NCAPG2: variants seen among roughly 807,000 people sequenced by gnomAD.
NCAPG2 encodes condensin-2 complex subunit G2.
In NCAPG2, 53 loss-of-function variants were observed where a neutral mutation model predicts 141.1. The observed-to-expected ratio is 0.38, with a 90% CI of 0.30 to 0.47. The LOEUF is 0.47. NCAPG2 is among the 20% of genes least tolerant of loss of function. NCAPG2 has a pLI of 0.99. For missense variants in NCAPG2, 1,087 were observed against 1,389.0 expected, an observed-to-expected ratio of 0.78 and a Z score of 3.46; for synonymous variants, 499 against 490.7, an observed-to-expected ratio of 1.02 and a Z score of -0.22.
Position 158,634,362 on chromosome 7 carries a change from T to C in NCAPG2, c.3381-2645A>G, listed in dbSNP as rs530140482. Among the ~76,000 whole-genome samples the C allele has an allele frequency of 3.7e-4, 56 of 152,330 alleles. 1 individual carries two copies. The highest frequency in any genetic ancestry group is 1.2e-3 in the African/African-American group (51 of 41,572). ...TACTATATCGTCTATATTGTTATAC[T>C]ATACTAATAGTTGTTATACTATATA... is the stretch of plus-strand genomic sequence containing the variant. On this transcript the variant is annotated intron_variant, in intron 27 of 27. Coordinates refer to ENST00000356309, the MANE Select transcript of NCAPG2 (RefSeq NM_017760.7).
chr7:158,701,749 G>T, intron 2 of NCAPG2, 73 bp downstream of exon 2: 2 of 1,297,312 alleles, frequency 1.5e-6, no homozygotes, highest in Non-Finnish European at 2.2e-6. Context: ...TTTCTTTTGG[G>T]GACATAATGA....
In NCAPG2 at chr7:158,659,231, G is replaced by T. The variant is rs1832278248; in HGVS notation, c.1990-823C>A. On this transcript the variant is annotated intron_variant, in intron 16 of 27. Coordinates refer to ENST00000356309, the MANE Select transcript of NCAPG2 (RefSeq NM_017760.7). The stretch of plus-strand genomic sequence containing the variant: ...GTAATCCCAACTACTCGGAAGGCTG[G>T]GGCAGAAGAATCGCCTGAACCCAGG... Among the ~76,000 whole-genome samples the T allele has an allele frequency of 2.7e-5, 4 of 150,468 alleles. No homozygotes were observed. In the South Asian group the frequency reaches 8.4e-4, roughly 32 times the overall value.
At chr7:158,693,846 G>A (rs1835275610) in intron 2 of NCAPG2, among the ~76,000 whole-genome samples, 1 of 152,160 alleles carries the variant, frequency 6.6e-6, no homozygotes, top group Non-Finnish European at 1.5e-5. Flanking sequence ...CCAGCCCCAA[G>A]TGGGCCCTCA....
intron 12 of NCAPG2, among the ~76,000 whole-genome samples, chr7:158,672,803 C>G (rs1833829940): frequency 6.6e-6 from 1 of 152,212 alleles, no homozygotes; most frequent in African/African-American, 2.4e-5. Context: ...CCGGCCACCA[C>G]CTACCTTGCC....
chr7:158,677,511 T>A, intron 11 of NCAPG2, among the ~76,000 whole-genome samples: 1 of 26,350 alleles, frequency 3.8e-5, no homozygotes, highest in African/African-American at 1.7e-4. Context: ...GAAAAAAAGA[T>A]GATAAAAATA....
intron 2 of NCAPG2, among the ~76,000 whole-genome samples, chr7:158,695,744 T>A (rs1000007062): frequency 6.6e-6 from 1 of 150,986 alleles, no homozygotes; most frequent in Admixed American, 6.5e-5. Context: ...TCTAGGGCCA[T>A]AGGACACTGG....
chr7:158,644,077 T>C (rs1830828155), intron 27 of NCAPG2, among the ~76,000 whole-genome samples: 1 of 152,224 alleles, frequency 6.6e-6, no homozygotes, highest in African/African-American at 2.4e-5. Flanking sequence ...ATTTTGCAAA[T>C]GACACTTTTG....
intron 13 of NCAPG2, among the ~76,000 whole-genome samples, chr7:158,671,036 G>A (rs888200506): frequency 8.2e-5 from 11 of 133,450 alleles, no homozygotes; most frequent in South Asian, 5.2e-4. Flanking sequence ...ACATCAAAAC[G>A]CACATCTCTC....
At chr7:158,679,919 A>C (rs1433861591) in intron 11 of NCAPG2, 41 bp downstream of exon 11, 1 of 1,607,808 alleles carries the variant, frequency 6.2e-7, no homozygotes, top group South Asian at 1.1e-5. Flanking sequence ...GCCTGGACAA[A>C]GCTGATATCT....
chr7:158,644,266 T>G, intron 27 of NCAPG2, 23 bp downstream of exon 27: 1 of 1,552,156 alleles, frequency 6.4e-7, no homozygotes, highest in African/African-American at 1.4e-5. Context: ...GATGATCACA[T>G]CTGGTGAATA....
At chr7:158,696,960 T>G (rs1440674146) in intron 2 of NCAPG2, among the ~76,000 whole-genome samples, 1 of 152,250 alleles carries the variant, frequency 6.6e-6, no homozygotes, top group Non-Finnish European at 1.5e-5. Context: ...TCCTATCACC[T>G]AGTGATGTCA....
intron 13 of NCAPG2, among the ~76,000 whole-genome samples, chr7:158,669,265 T>A (rs1445572715): frequency 6.6e-6 from 1 of 152,200 alleles, no homozygotes; most frequent in Non-Finnish European, 1.5e-5. Flanking sequence ...AAATGATTTA[T>A]ATTCCTTTAG....
intron 13 of NCAPG2, chr7:158,667,125 T>G: frequency 1.0e-6 from 1 of 984,810 alleles, no homozygotes; most frequent in Non-Finnish European, 1.2e-6. Context: ...GCTTGCATGC[T>G]CGTCACAAAC....
chr7:158,651,703 T>C (rs1402688149), intron 23 of NCAPG2, among the ~76,000 whole-genome samples: 1 of 152,184 alleles, frequency 6.6e-6, no homozygotes, highest in Non-Finnish European at 1.5e-5. Context: ...GAAGTGCTTA[T>C]ACAACAATCT....
intron 7 of NCAPG2, 152 bp from the exon 8 acceptor site, chr7:158,686,393 G>A (rs1834757696): frequency 2.1e-6 from 1 of 481,032 alleles, no homozygotes. Context: ...TTATCTACCT[G>A]TAGCAAAAAG....
At chr7:158,644,582 C>T (rs999195222) in intron 26 of NCAPG2, among the ~76,000 whole-genome samples, 194 bp from the exon 27 acceptor site, 15 of 152,200 alleles carry the variant, frequency 9.9e-5, no homozygotes, top group Admixed American at 9.2e-4. Flanking sequence ...CAAACGTTTA[C>T]TGGGAAGAAG....
intron 17 of NCAPG2, among the ~76,000 whole-genome samples, chr7:158,657,809 G>GGC (rs1832114250): frequency 6.6e-6 from 1 of 152,150 alleles, no homozygotes; most frequent in Non-Finnish European, 1.5e-5. Context: ...CCTGTACTAA[G>GGC]AAAAATTCTT....
At chr7:158,668,350 C>T (rs1469786809) in intron 13 of NCAPG2, 1 of 978,112 alleles carries the variant, frequency 1.0e-6, no homozygotes, top group South Asian at 4.7e-5. Context: ...ACAACTGGGT[C>T]CCTCCGCCCT....
chr7:158,699,926 GTTATTTAT>G (rs146349286), intron 2 of NCAPG2, among the ~76,000 whole-genome samples: 4 of 151,542 alleles, frequency 2.6e-5, no homozygotes, highest in African/African-American at 4.9e-5. Flanking sequence ...ATCTCTCTGG[GTTATTTAT>G]TTATTTATTT....
Sources: gnomAD v4.1 joint callset for allele counts (sites outside exome capture counted in the v4.1 genomes callset) on GRCh38, gnomAD v4.1.1 for gene constraint, MANE v1.5 for transcripts, NCBI Gene and HGNC (gene_info 2026-07-23, HGNC 2026-07-21) for gene names.